The following AUH variants were observed in gnomAD, a reference collection of about 807,000 sequenced individuals.
AUH encodes methylglutaconyl-CoA hydratase, mitochondrial.
In AUH, 29 loss-of-function variants were observed where a neutral mutation model predicts 42.3. That is an observed-to-expected ratio of 0.69 (90% CI 0.51 to 0.93). AUH has a LOEUF of 0.93. AUH is among the 40% of genes least tolerant of loss of function. The pLI is 0.00. For missense variants in AUH, 452 were observed against 438.1 expected, an observed-to-expected ratio of 1.03 and a Z score of -0.28; for synonymous variants, 174 against 166.4, an observed-to-expected ratio of 1.05 and a Z score of -0.35.
At chr9:91,316,549 G>T (rs1056091511) in intron 4 of AUH, among the ~76,000 whole-genome samples, 5 of 152,184 alleles carry the variant, frequency 3.3e-5, no homozygotes, top group Admixed American at 6.5e-5. Flanking sequence ...CTCTTAGTAA[G>T]ACCTGGCTTA....
intron 4 of AUH, among the ~76,000 whole-genome samples, chr9:91,308,253 C>A (rs1205491043): frequency 6.6e-6 from 1 of 152,146 alleles, no homozygotes; most frequent in East Asian, 1.9e-4. Flanking sequence ...CCTAGCTACT[C>A]AGGAGACTGG....
chr9:91,265,951 T>C (rs7868972), intron 6 of AUH, among the ~76,000 whole-genome samples: 1,886 of 152,300 alleles, frequency 0.012, 24 homozygotes, highest in Non-Finnish European at 0.021. Flanking sequence ...CCTTTTTTTT[T>C]CTCTTTTATA....
At chr9:91,334,634 T>C (rs1564112327) in intron 3 of AUH, among the ~76,000 whole-genome samples, 1 of 152,216 alleles carries the variant, frequency 6.6e-6, no homozygotes, top group Non-Finnish European at 1.5e-5. Context: ...AAATCTTTTA[T>C]ATTTCTATTG....
intron 6 of AUH, 126 bp downstream of exon 6, chr9:91,295,895 G>A: frequency 1.9e-6 from 2 of 1,050,254 alleles, no homozygotes; most frequent in Non-Finnish European, 2.9e-6. Flanking sequence ...CTTTGCTAGG[G>A]ATGCAAACAA....
At chr9:91,271,622 T>C (rs541988557) in intron 6 of AUH, among the ~76,000 whole-genome samples, 1 of 152,384 alleles carries the variant, frequency 6.6e-6, no homozygotes, top group South Asian at 2.1e-4. Context: ...TATGTAGCCT[T>C]TCTGCATAAT....
intron 6 of AUH, among the ~76,000 whole-genome samples, chr9:91,290,675 A>C (rs970844340): frequency 3.9e-5 from 6 of 152,200 alleles, no homozygotes; most frequent in African/African-American, 1.4e-4. Flanking sequence ...ATGGTATGGC[A>C]CAGTGAGTTC....
chr9:91,259,024 C>T (rs1829560097), intron 6 of AUH, among the ~76,000 whole-genome samples: 1 of 152,170 alleles, frequency 6.6e-6, no homozygotes, highest in South Asian at 2.1e-4. Flanking sequence ...GAAGGTAATG[C>T]TGGCCTGGCC....
At chr9:91,345,286 G>C (rs1192249049) in intron 3 of AUH, among the ~76,000 whole-genome samples, 2 of 152,112 alleles carry the variant, frequency 1.3e-5, no homozygotes, top group African/African-American at 4.8e-5. Context: ...GACTACCTTT[G>C]TAGAAAACCC....
intron 6 of AUH, among the ~76,000 whole-genome samples, chr9:91,259,902 C>T (rs80005069): frequency 0.025 from 3,781 of 152,072 alleles, 74 homozygotes; most frequent in East Asian, 0.058. Flanking sequence ...TTGAGTTCTC[C>T]GAAAATGTTA....
intron 3 of AUH, among the ~76,000 whole-genome samples, chr9:91,351,143 T>C (rs1471871748): frequency 6.6e-6 from 1 of 152,080 alleles, no homozygotes; most frequent in Non-Finnish European, 1.5e-5. Flanking sequence ...CTAATTTTAG[T>C]ATATTTTTGG....
chr9:91,258,187 T>G (rs1299405606), intron 6 of AUH, among the ~76,000 whole-genome samples: 1 of 152,202 alleles, frequency 6.6e-6, no homozygotes, highest in Non-Finnish European at 1.5e-5. Context: ...TATCATGACA[T>G]GTGTGAAGAC....
intron 6 of AUH, among the ~76,000 whole-genome samples, chr9:91,271,830 G>A (rs1009879530): frequency 2.6e-5 from 4 of 152,016 alleles, no homozygotes; most frequent in Non-Finnish European, 5.9e-5. Flanking sequence ...ACAGGCGCCC[G>A]CCACCACGCC....
chr9:91,302,602 G>C (rs899019007), intron 4 of AUH, among the ~76,000 whole-genome samples: 21 of 149,556 alleles, frequency 1.4e-4, no homozygotes, highest in Non-Finnish European at 3.0e-4. Context: ...AAAAACAAAC[G>C]AACAAACAAA....
intron 6 of AUH, among the ~76,000 whole-genome samples, chr9:91,229,718 A>G (rs1827752339): frequency 1.3e-5 from 2 of 151,072 alleles, no homozygotes; most frequent in Admixed American, 1.3e-4. Flanking sequence ...CATGTTTAGC[A>G]CTTCCTTCAG....
At chr9:91,335,189 A>G (rs1415737185) in intron 3 of AUH, among the ~76,000 whole-genome samples, 1 of 152,182 alleles carries the variant, frequency 6.6e-6, no homozygotes, top group Non-Finnish European at 1.5e-5. Context: ...ATTCTTCTGA[A>G]GTCATTGTGG....
intron 6 of AUH, among the ~76,000 whole-genome samples, chr9:91,240,636 G>GA (rs1361941038): frequency 2.0e-5 from 3 of 151,940 alleles, no homozygotes; most frequent in Non-Finnish European, 2.9e-5. Context: ...CTTGAAATGT[G>GA]ACTAGTATGG....
intron 6 of AUH, among the ~76,000 whole-genome samples, chr9:91,285,999 G>C (rs941277307): frequency 2.0e-5 from 3 of 151,744 alleles, no homozygotes; most frequent in Non-Finnish European, 2.9e-5. Flanking sequence ...AAATCGTTTT[G>C]TTATGCTTTT....
chr9:91,278,598 T>C (rs1021488565), intron 6 of AUH, among the ~76,000 whole-genome samples: 17 of 152,290 alleles, frequency 1.1e-4, no homozygotes, highest in Admixed American at 2.0e-4. Flanking sequence ...AAATAGAAAG[T>C]CTGGATATAC....
chr9:91,245,823 CCT>C (rs770024742), intron 6 of AUH, among the ~76,000 whole-genome samples: 5 of 152,176 alleles, frequency 3.3e-5, no homozygotes, highest in Admixed American at 2.0e-4. Context: ...CCTCTCCTCC[CCT>C]GTGTTCTAGA....
Sources: allele counts gnomAD v4.1 joint callset (sites outside exome capture counted in the v4.1 genomes callset), GRCh38; gene constraint gnomAD v4.1.1; transcripts MANE v1.5; gene names NCBI Gene and HGNC (gene_info 2026-07-23, HGNC 2026-07-21).